The following KRIT1 variants were observed in gnomAD, a reference collection of about 807,000 sequenced individuals.
KRIT1 encodes the protein KRIT1 ankyrin repeat containing.
KRIT1 carries 45 observed loss-of-function variants against 95.8 expected under a neutral mutation model. The ratio of observed to expected loss-of-function variants is 0.47; its 90% CI spans 0.37 to 0.60. The LOEUF is 0.60. KRIT1 is among the 20% of genes least tolerant of loss of function. The pLI is 0.00. For missense variants in KRIT1, 788 were observed against 877.5 expected (o/e 0.90, Z 1.29); for synonymous variants, 282 against 278.8 (o/e 1.01, Z -0.11).
In KRIT1 at chr7:92,226,687, A is replaced by G. The variant is rs755015357; in HGVS notation, c.990-5T>C. 1.9e-6 allele frequency: 3 copies of G among 1,612,430 alleles called. No homozygotes were observed. The South Asian group carries it at 3.3e-5, about 18-fold the overall frequency. On this transcript the variant is annotated splice_polypyrimidine_tract_variant and splice_region_variant and intron_variant, in intron 10 of 18. Coordinates refer to ENST00000394505, the MANE Select transcript of KRIT1 (RefSeq NM_194454.3). ...GTGGCCTCAACTTTTCCATACCTGT[A>G]TAAAAAAACAAACAAACAAAAAACA...
intron 5 of KRIT1, chr7:92,240,733 G>A: frequency 2.1e-6 from 1 of 468,770 alleles, no homozygotes; most frequent in Non-Finnish European, 3.8e-6. Context: ...AGGAATAGTA[G>A]TTAAAAGATA....
At chr7:92,239,007 A>G (rs1233298852) in intron 5 of KRIT1, among the ~76,000 whole-genome samples, 1 of 152,264 alleles carries the variant, frequency 6.6e-6, no homozygotes, top group African/African-American at 2.4e-5. Context: ...TGATGTTTAT[A>G]TAAGGAATCT....
chr7:92,199,801 A>T lies in KRIT1; in HGVS notation c.*935T>A, dbSNP rs1001448894. 13 of 152,234 alleles carry T rather than the reference A, an allele frequency of 8.5e-5. No homozygotes were observed. The highest frequency in any genetic ancestry group is 3.9e-4 in the Admixed American group (6 of 15,286). The allele number at this position is 152,234 out of a possible 1,614,324, so 9.4% of individuals were successfully genotyped here. A position where few individuals can be genotyped will look rare whatever the true frequency, so the allele number is the denominator to read the frequency against. ...AAATTTAAGTTCACAAGGCCATGCT[A>T]CTTCCAGAGAGTGAATGCCCTTGTT... is the stretch of plus-strand genomic sequence containing the variant. On this transcript the variant is annotated 3_prime_UTR_variant, in exon 19 of 19. Transcript: ENST00000394505.
chr7:92,211,647 T>G (rs1483427710), intron 17 of KRIT1, among the ~76,000 whole-genome samples: 2 of 152,156 alleles, frequency 1.3e-5, no homozygotes, highest in African/African-American at 4.8e-5. Flanking sequence ...TCAAAATAGC[T>G]AAGAGATAAG....
At chr7:92,224,500 T>C (rs1045393099) in intron 12 of KRIT1, among the ~76,000 whole-genome samples, 1 of 152,056 alleles carries the variant, frequency 6.6e-6, no homozygotes, top group African/African-American at 2.4e-5. Context: ...AATTAATAAT[T>C]TTTATAATCA....
chr7:92,207,970 G>A (rs1441092662), intron 17 of KRIT1, among the ~76,000 whole-genome samples: 2 of 152,054 alleles, frequency 1.3e-5, no homozygotes, highest in Non-Finnish European at 2.9e-5. Context: ...CATCTGTTAG[G>A]CCAAAAAACA....
chr7:92,224,126 T>C (rs1795735346), intron 12 of KRIT1, among the ~76,000 whole-genome samples: 1 of 152,168 alleles, frequency 6.6e-6, no homozygotes, highest in East Asian at 1.9e-4. Flanking sequence ...GCAGAGACCA[T>C]ATATTCCTTC....
chr7:92,218,276 G>T (rs1794409620), intron 14 of KRIT1, among the ~76,000 whole-genome samples: 1 of 151,730 alleles, frequency 6.6e-6, no homozygotes, highest in African/African-American at 2.4e-5. Context: ...TAGAGACAGG[G>T]TCTCACTATG....
chr7:92,241,377 G>C (rs1432327460), intron 4 of KRIT1, among the ~76,000 whole-genome samples: 1 of 152,134 alleles, frequency 6.6e-6, no homozygotes, highest in East Asian at 1.9e-4. Flanking sequence ...AGTGAGAAAT[G>C]GTAAGCCACA....
rs1789765717 is a variant in KRIT1 at position 92,199,590 on chromosome 7, T to C, written c.*1146A>G. ...AATATACATAAACTATTAAGTCAAC[T>C]CATAAAAAATACAGCATGTATTTAA... is the stretch of plus-strand genomic sequence containing the variant. On this transcript the variant is annotated 3_prime_UTR_variant, in exon 19 of 19. Coordinates refer to ENST00000394505, the MANE Select transcript of KRIT1 (RefSeq NM_194454.3). The C allele has an allele frequency of 6.6e-6, 1 of 152,176 alleles. No homozygotes were observed. Among genetic ancestry groups the C allele is most frequent in the Non-Finnish European group, 1.5e-5 (1 of 68,028 alleles). 9.4% of individuals were successfully genotyped at this position (152,176 alleles called of 1,614,324 possible).
intron 10 of KRIT1, 35 bp from the exon 11 acceptor site, chr7:92,226,717 CA>C (rs761422680): frequency 1.8e-5 from 28 of 1,594,950 alleles, no homozygotes; most frequent in South Asian, 1.7e-4. Flanking sequence ...AAAACAACAA[CA>C]AAAAAAACTT....
At chr7:92,242,764 T>C (rs1799963704) in intron 3 of KRIT1, among the ~76,000 whole-genome samples, 1 of 152,242 alleles carries the variant, frequency 6.6e-6, no homozygotes, top group South Asian at 2.1e-4. Context: ...TTTCTGAAGG[T>C]GATTTAAGAA....
chr7:92,213,629 G>A (rs77048942), intron 16 of KRIT1, among the ~76,000 whole-genome samples: 3 of 151,666 alleles, frequency 2.0e-5, no homozygotes, highest in East Asian at 3.9e-4. Context: ...ATTGCTTCAC[G>A]GGCATGGATA....
chr7:92,230,216 A>G (rs1455372092), intron 10 of KRIT1, among the ~76,000 whole-genome samples: 1 of 152,116 alleles, frequency 6.6e-6, no homozygotes, highest in Non-Finnish European at 1.5e-5. Flanking sequence ...AGAAAAATGG[A>G]GCTTGATGCA....
In KRIT1 at chr7:92,201,359, A is replaced by C; in HGVS notation, c.2090T>G (p.Phe697Cys). The C allele has an allele frequency of 1.2e-6, 2 of 1,600,260 alleles. No individual in the cohort carries two copies. Among genetic ancestry groups the C allele is most frequent in the Non-Finnish European group, 1.7e-6 (2 of 1,167,568 alleles). Residue 697 changes from phenylalanine to cysteine, a missense_variant, in exon 18 of 19, where the codon TTT becomes TGT. Around this residue, in one of 3 missense-constraint regions of KRIT1, gnomAD observed 493 missense variants for 582.3 expected, o/e 0.85. Transcript: ENST00000394505. ...TTTATTTTCCATGCTATGGATCTGA[A>C]AACAAGTATCAGTATCTCCCAATTG... ...MWQLGDTDTCFQIHSMENKMS... is the reference protein window; with the variant it reads ...MWQLGDTDTCCQIHSMENKMS...
Position 92,221,173 on chromosome 7 carries a change from C to T in KRIT1, c.1563+729G>A, listed in dbSNP as rs186304881. On this transcript the variant is annotated intron_variant, in intron 14 of 18. Coordinates refer to ENST00000394505, the MANE Select transcript of KRIT1 (RefSeq NM_194454.3). ...TACTTAGGCTAGGCACAGTGGCTCA[C>T]GCTTGTAATCCCAGCCCTTTGGGAG... Among the ~76,000 whole-genome samples, 408 of 152,192 alleles carry T rather than the reference C, an allele frequency of 2.7e-3. 4 individuals are homozygous for T. The highest frequency in any genetic ancestry group is 9.1e-3 in the African/African-American group (378 of 41,542).
At chr7:92,204,061 G>A (rs1309056251) in intron 17 of KRIT1, 1 of 151,744 alleles carries the variant, frequency 6.6e-6, no homozygotes, top group Admixed American at 6.6e-5. Flanking sequence ...AGGAGTTTGA[G>A]ACCAGCCTGG....
upstream of KRIT1, chr7:92,246,031 C>A (rs1013870623): frequency 3.8e-6 from 1 of 265,588 alleles, no homozygotes; most frequent in Non-Finnish European, 7.3e-6. Flanking sequence ...TGCAGTCTCT[C>A]AGGGGCTGGT....
At chr7:92,203,617 T>C (rs1458776063) in intron 17 of KRIT1, among the ~76,000 whole-genome samples, 2 of 152,228 alleles carry the variant, frequency 1.3e-5, no homozygotes, top group African/African-American at 4.8e-5. Context: ...ATACATAATA[T>C]GAAATGTTAT....
Sources: gnomAD v4.1 joint callset for allele counts (sites outside exome capture counted in the v4.1 genomes callset) on GRCh38, gnomAD v4.1.1 for gene constraint, gnomAD v4.1.1 regional missense constraint, MANE v1.5 for transcripts, NCBI Gene and HGNC (gene_info 2026-07-23, HGNC 2026-07-21) for gene names.